The following PBX1 variants were observed in gnomAD, a reference collection of about 807,000 sequenced individuals.
The protein encoded by PBX1 is PBX homeobox 1, also known as pre-B-cell leukemia transcription factor 1.
A neutral mutation model predicts 53.4 loss-of-function variants in PBX1; 6 were observed. The ratio of observed to expected loss-of-function variants is 0.11; its 90% CI spans 0.06 to 0.22. The LOEUF (loss-of-function observed/expected upper bound fraction) is 0.22. Among genes scored for constraint, PBX1 ranks in the 10% least tolerant of loss-of-function variants. The probability of loss-of-function intolerance (pLI) is 1.00; values close to 1 mark genes in which losing one functional copy is unlikely to be tolerated. For synonymous variants in PBX1, 204 were observed against 212.3 expected (o/e 0.96, Z 0.34); for missense variants, 251 against 551.4 (o/e 0.46, Z 5.46).
At chr1:164,799,642 T>G in intron 3 of PBX1, 57 bp from the exon 4 acceptor site, 14 of 1,525,420 alleles carry the variant, frequency 9.2e-6, no homozygotes, top group Non-Finnish European at 1.2e-5. Flanking sequence ...GTCATAGACT[T>G]GATGCGTGTT....
At chr1:164,809,588 A>G (rs1345410537) in intron 5 of PBX1, among the ~76,000 whole-genome samples, 1 of 152,140 alleles carries the variant, frequency 6.6e-6, no homozygotes, top group Non-Finnish European at 1.5e-5. Flanking sequence ...CCCATTTACT[A>G]ATCATGGTTT....
chr1:164,746,907 G>T (rs973651420), intron 2 of PBX1, among the ~76,000 whole-genome samples: 11 of 152,170 alleles, frequency 7.2e-5, no homozygotes, highest in African/African-American at 2.4e-4. Flanking sequence ...CTGATGTAGG[G>T]CCATTTGGGC....
At chr1:164,832,390 G>T (rs530116795) in intron 8 of PBX1, among the ~76,000 whole-genome samples, 1 of 152,232 alleles carries the variant, frequency 6.6e-6, no homozygotes, top group South Asian at 2.1e-4. Flanking sequence ...GCTCTTTCCT[G>T]GATCTAGGCT....
chr1:164,740,028 G>A (rs1205437755), intron 2 of PBX1, among the ~76,000 whole-genome samples: 2 of 152,160 alleles, frequency 1.3e-5, no homozygotes, highest in Admixed American at 1.3e-4. Flanking sequence ...AGACTTAGGA[G>A]TAGGCAAGAT....
intron 2 of PBX1, chr1:164,626,149 A>G (rs1192025567): frequency 1.0e-6 from 1 of 977,316 alleles, no homozygotes; most frequent in African/African-American, 1.7e-5. Flanking sequence ...TGAGATGCAT[A>G]TACCATGCCT....
At position 164,847,632 on chromosome 1, in the gene PBX1, T is replaced by G; in HGVS notation, c.*956T>G. The stretch of plus-strand genomic sequence containing the variant: ...ATGCCTTCATAGACACACACGTTCA[T>G]GCACATGTAGGCACATGTACCATCT... On this transcript the variant is annotated 3_prime_UTR_variant, in exon 9 of 9. Transcript: ENST00000420696. 1 of 1,061,596 alleles carries G rather than the reference T, an allele frequency of 9.4e-7. No individual in the cohort carries two copies. The highest frequency in any genetic ancestry group is 1.1e-6 in the Non-Finnish European group (1 of 876,944). The allele number at this position is 1,061,596 out of a possible 1,614,324, so 65.8% of individuals were successfully genotyped here.
intron 2 of PBX1, among the ~76,000 whole-genome samples, chr1:164,638,495 C>T (rs1374670779): frequency 1.3e-5 from 2 of 152,246 alleles, no homozygotes; most frequent in South Asian, 2.1e-4. Flanking sequence ...CTAGGCCCCT[C>T]TGGGTGCTGC....
intron 8 of PBX1, among the ~76,000 whole-genome samples, chr1:164,840,122 G>C (rs1255637849): frequency 1.3e-5 from 2 of 152,148 alleles, no homozygotes; most frequent in East Asian, 3.9e-4. Flanking sequence ...ATTAAGCAAA[G>C]CTAGGCATAA....
chr1:164,698,966 C>G (rs909877883), intron 2 of PBX1, among the ~76,000 whole-genome samples: 1 of 152,218 alleles, frequency 6.6e-6, no homozygotes, highest in African/African-American at 2.4e-5. Context: ...TCTGGAACCA[C>G]AGCCCATGCT....
At chr1:164,818,190 G>A (rs531665644) in intron 6 of PBX1, 4 of 152,262 alleles carry the variant, frequency 2.6e-5, no homozygotes, top group African/African-American at 9.6e-5. Context: ...AGTATATAGA[G>A]ATATTATATA....
chr1:164,598,848 A>C (rs1266321177), intron 2 of PBX1, among the ~76,000 whole-genome samples: 2 of 152,140 alleles, frequency 1.3e-5, no homozygotes, highest in Non-Finnish European at 2.9e-5. Context: ...TTGACCTTTA[A>C]AACTACCCGG....
intron 2 of PBX1, among the ~76,000 whole-genome samples, chr1:164,672,429 C>T (rs1192674419): frequency 6.6e-6 from 1 of 152,144 alleles, no homozygotes; most frequent in Non-Finnish European, 1.5e-5. Context: ...CCGCAGTGTA[C>T]TTAGATCTCG....
intron 2 of PBX1, among the ~76,000 whole-genome samples, chr1:164,679,006 C>G (rs1435776960): frequency 6.6e-6 from 1 of 152,156 alleles, no homozygotes; most frequent in Non-Finnish European, 1.5e-5. Flanking sequence ...GGAGAAAACA[C>G]TAAATTCATA....
intron 2 of PBX1, among the ~76,000 whole-genome samples, chr1:164,576,285 G>A (rs558166750): frequency 1.3e-5 from 2 of 152,300 alleles, no homozygotes; most frequent in South Asian, 2.1e-4. Flanking sequence ...TTAGATTAGA[G>A]GAGAGGGCTA....
chr1:164,797,044 A>G (rs1366825282), intron 3 of PBX1, among the ~76,000 whole-genome samples: 1 of 152,082 alleles, frequency 6.6e-6, no homozygotes, highest in Non-Finnish European at 1.5e-5. Context: ...TGCCCTTGGA[A>G]CTTTGCTCTC....
At chr1:164,838,777 G>A (rs77284381) in intron 8 of PBX1, among the ~76,000 whole-genome samples, 1 of 152,078 alleles carries the variant, frequency 6.6e-6, no homozygotes, top group Admixed American at 6.6e-5. Flanking sequence ...GTGCAGTTAT[G>A]CTGGGCACCT....
rs115070552 is a variant in PBX1, at chr1:164,642,420, C to T, written c.265+79109C>T. ...TGGTCTCAGACCAGGACATTCAAGG[C>T]ATCTCTCCATTTTCATATGGAGAAG... On this transcript the variant is annotated intron_variant, in intron 2 of 8. Coordinates refer to ENST00000420696, the MANE Select transcript of PBX1 (RefSeq NM_002585.4). Among the ~76,000 whole-genome samples, 1,380 of 152,318 alleles carry T rather than the reference C, an allele frequency of 9.1e-3. 6 individuals carry two copies. The highest frequency in any genetic ancestry group is 0.012 in the Non-Finnish European group (814 of 68,028).
At chr1:164,758,486 G>A (rs781602379) in intron 2 of PBX1, among the ~76,000 whole-genome samples, 9 of 152,072 alleles carry the variant, frequency 5.9e-5, no homozygotes, top group African/African-American at 1.2e-4. Flanking sequence ...GAGATGATGC[G>A]AGCATCCCTG....
At chr1:164,871,870 TAAACAAA>T (rs1672392147) in intron 2 of PBX1, among the ~76,000 whole-genome samples, 2 of 151,944 alleles carry the variant, frequency 1.3e-5, no homozygotes, top group Non-Finnish European at 2.9e-5. Context: ...AGCACATGTT[TAAACAAA>T]CATATACTTG....
Sources: gnomAD v4.1 joint callset for allele counts (sites outside exome capture counted in the v4.1 genomes callset) on GRCh38, gnomAD v4.1.1 for gene constraint, MANE v1.5 for transcripts, NCBI Gene and HGNC (gene_info 2026-07-23, HGNC 2026-07-21) for gene names.